The following RARB variants were observed in gnomAD, a reference collection of about 807,000 sequenced individuals.
RARB encodes HBV-activated protein.
A neutral mutation model predicts 51.9 loss-of-function variants in RARB; 17 were observed. The observed-to-expected ratio is 0.33, with a 90% CI of 0.22 to 0.49. The LOEUF (loss-of-function observed/expected upper bound fraction) is 0.49. RARB is among the 20% of genes least tolerant of loss of function. The pLI is 0.99. For missense variants in RARB, 369 were observed against 550.8 expected (o/e 0.67, Z 3.30); for synonymous variants, 215 against 195.4 (o/e 1.10, Z -0.84).
At chr3:25,513,529 C>G (rs1301739893) in intron 3 of RARB, among the ~76,000 whole-genome samples, 1 of 152,106 alleles carries the variant, frequency 6.6e-6, no homozygotes, top group Non-Finnish European at 1.5e-5. Context: ...TCCTCTCCCA[C>G]TTTGCACCAT....
intron 5 of RARB, among the ~76,000 whole-genome samples, chr3:25,320,581 C>T (rs1234466428): frequency 2.0e-5 from 3 of 152,142 alleles, no homozygotes; most frequent in Non-Finnish European, 2.9e-5. Flanking sequence ...TTACTTTGTT[C>T]CTCATGTCAA....
chr3:25,528,422 GA>G (rs1698749193), intron 3 of RARB, among the ~76,000 whole-genome samples: 2 of 152,062 alleles, frequency 1.3e-5, no homozygotes, highest in Non-Finnish European at 2.9e-5. Context: ...TGGGACAGGG[GA>G]AATTCCAGCA....
chr3:25,331,216 A>G (rs1356576934), intron 5 of RARB, among the ~76,000 whole-genome samples: 1 of 152,228 alleles, frequency 6.6e-6, no homozygotes. Flanking sequence ...AATCAACAGA[A>G]TATACATTCA....
intron 5 of RARB, among the ~76,000 whole-genome samples, chr3:25,323,292 G>C (rs1704624114): frequency 6.6e-6 from 1 of 152,176 alleles, no homozygotes; most frequent in Non-Finnish European, 1.5e-5. Flanking sequence ...AAGGTGGGAG[G>C]AATGGCACAG....
intron 2 of RARB, among the ~76,000 whole-genome samples, chr3:24,946,650 C>T (rs1695781795): frequency 6.6e-6 from 1 of 152,088 alleles, no homozygotes. Context: ...AGGAGGATTA[C>T]TTGAGCCCAG....
chr3:25,124,051 C>A (rs1014267139), intron 3 of RARB, among the ~76,000 whole-genome samples: 1 of 152,078 alleles, frequency 6.6e-6, no homozygotes, highest in Non-Finnish European at 1.5e-5. Flanking sequence ...AGTACTCACC[C>A]GGGGAGGGAG....
At chr3:25,502,812 G>A (rs1697384000) in intron 3 of RARB, among the ~76,000 whole-genome samples, 3 of 152,146 alleles carry the variant, frequency 2.0e-5, no homozygotes, top group South Asian at 2.1e-4. Flanking sequence ...GTCAGCTGTA[G>A]GACAAAGCAT....
intron 3 of RARB, among the ~76,000 whole-genome samples, chr3:25,107,550 C>G (rs866891356): frequency 1.3e-5 from 2 of 151,980 alleles, no homozygotes; most frequent in African/African-American, 4.8e-5. Context: ...GTAGTCTTTC[C>G]CCTCATCCAC....
chr3:25,349,002 T>C (rs941734057), intron 5 of RARB, among the ~76,000 whole-genome samples: 14 of 152,214 alleles, frequency 9.2e-5, no homozygotes, highest in African/African-American at 3.4e-4. Context: ...GTATATATAA[T>C]ACAAATCTCG....
intron 1 of RARB, among the ~76,000 whole-genome samples, chr3:25,430,585 A>G (rs1708163764): frequency 1.3e-5 from 2 of 152,300 alleles, no homozygotes; most frequent in African/African-American, 4.8e-5. Flanking sequence ...GAGTAGGGGG[A>G]AAAGCTTTGT....
intron 4 of RARB, among the ~76,000 whole-genome samples, chr3:25,171,642 G>GAAAAAAAAAAAAAA (rs1559491263): frequency 8.4e-4 from 2 of 2,378 alleles, no homozygotes; most frequent in African/African-American, 1.3e-3. Context: ...TCCCTGGTTG[G>GAAAAAAAAAAAAAA]TAAAAAAAAA....
rs1380977771 is a variant in RARB, at chr3:25,129,639, T to C, written c.-327-2522T>C. Among the ~76,000 whole-genome samples the C allele has an allele frequency of 3.3e-5, 5 of 152,088 alleles. No individual in the cohort carries two copies. The East Asian group carries it at 9.6e-4, about 29-fold the overall frequency. ...AGTATGACTCATCTCTATCATCTGA[T>C]TGGTATTTAATAAATATTTGTTGAA... On this transcript the variant is annotated intron_variant, in intron 3 of 11. Transcript: ENST00000383772.
rs542497926 is a variant in RARB, at chr3:25,214,447, C to T, written c.178+39872C>T. On this transcript the variant is annotated intron_variant, in intron 5 of 11. Coordinates refer to the RARB transcript ENST00000383772. ...AGACAATATCTGAGGTAGGTGGGTTCAGTAGCTTTTAAAAATAAATTTAAA... is the reference window on the plus strand; with the variant it reads ...AGACAATATCTGAGGTAGGTGGGTTTAGTAGCTTTTAAAAATAAATTTAAA... Among the ~76,000 whole-genome samples the T allele has an allele frequency of 2.6e-4, 40 of 152,242 alleles. 1 individual carries two copies. Among genetic ancestry groups the T allele is most frequent in the Middle Eastern group, 6.8e-3 (2 of 294 alleles).
intron 4 of RARB, among the ~76,000 whole-genome samples, chr3:25,173,081 G>C (rs1212195278): frequency 6.6e-6 from 1 of 152,124 alleles, no homozygotes; most frequent in Non-Finnish European, 1.5e-5. Flanking sequence ...GCCATTCAGT[G>C]GGCAGAGTTT....
chr3:25,262,386 T>C (rs2125407347), intron 5 of RARB, among the ~76,000 whole-genome samples: 1 of 152,272 alleles, frequency 6.6e-6, no homozygotes, highest in East Asian at 1.9e-4. Flanking sequence ...TATAACAAAT[T>C]CCCACAAATT....
rs74315705 is a variant in RARB at position 25,076,361 on chromosome 3, G to T, written c.-328+16185G>T. Among the ~76,000 whole-genome samples the T allele has an allele frequency of 6.9e-3, 1,047 of 152,104 alleles. 74 individuals are homozygous for T. The East Asian group carries it at 0.16, about 24-fold the overall frequency. ...TCACCATGTTATCCAGGTTGGTCTC[G>T]ATCTCCTGACCTTGTGATTTGCCTG... On this transcript the variant is annotated intron_variant, in intron 3 of 11. Transcript: ENST00000383772.
intron 1 of RARB, among the ~76,000 whole-genome samples, chr3:25,443,059 C>T (rs1015347136): frequency 1.3e-5 from 2 of 152,154 alleles, no homozygotes; most frequent in Non-Finnish European, 2.9e-5. Flanking sequence ...CTCCTGCTTA[C>T]GTGTGTCCTC....
At chr3:25,275,932 A>G (rs1421089115) in intron 5 of RARB, among the ~76,000 whole-genome samples, 1 of 152,270 alleles carries the variant, frequency 6.6e-6, no homozygotes, top group East Asian at 1.9e-4. Flanking sequence ...ATTAAAATAA[A>G]TAAAAGATTT....
At chr3:25,170,013 GAA>G (rs34538957) in intron 4 of RARB, among the ~76,000 whole-genome samples, 4 of 131,572 alleles carry the variant, frequency 3.0e-5, no homozygotes, top group South Asian at 2.7e-4. Flanking sequence ...AAAAAAGAAA[GAA>G]AAAAAAAAAG....
Sources: gnomAD v4.1 joint callset for allele counts (sites outside exome capture counted in the v4.1 genomes callset) on GRCh38, gnomAD v4.1.1 for gene constraint, MANE v1.5 for transcripts, NCBI Gene and HGNC (gene_info 2026-07-23, HGNC 2026-07-21) for gene names.